The following OSER1 variants were observed in gnomAD, a reference collection of about 807,000 sequenced individuals.
OSER1 encodes the protein oxidative stress responsive serine rich 1.
In OSER1, 15 loss-of-function variants were observed where a neutral mutation model predicts 26.3. That is an observed-to-expected ratio of 0.57 (90% CI 0.38 to 0.88). The LOEUF (loss-of-function observed/expected upper bound fraction) is 0.88. OSER1 is among the 40% of genes least tolerant of loss of function. The pLI, the probability that OSER1 is intolerant of heterozygous loss-of-function variation, is 0.00. For synonymous variants in OSER1, 127 were observed against 128.2 expected, an observed-to-expected ratio of 0.99 and a Z score of 0.07; for missense variants, 313 against 353.9, an observed-to-expected ratio of 0.88 and a Z score of 0.93.
chr20:44,201,602 T>C (rs959829078), intron 3 of OSER1, among the ~76,000 whole-genome samples: 2 of 152,144 alleles, frequency 1.3e-5, no homozygotes, highest in Non-Finnish European at 2.9e-5. Context: ...TAAATAATAA[T>C]AAAACCTAGT....
At chr20:44,202,298 C>T (rs550062569) in intron 3 of OSER1, among the ~76,000 whole-genome samples, 12 of 151,914 alleles carry the variant, frequency 7.9e-5, no homozygotes, top group Non-Finnish European at 1.3e-4. Flanking sequence ...CTGCTTAAAC[C>T]GGGGAGGCGG....
chr20:44,200,146 A>G (rs1268506140), intron 3 of OSER1, among the ~76,000 whole-genome samples: 1 of 152,142 alleles, frequency 6.6e-6, no homozygotes, highest in African/African-American at 2.4e-5. Context: ...GCTAACATCT[A>G]CATGTTGGGT....
chr20:44,207,868 G>C (rs2073054310), intron 1 of OSER1, among the ~76,000 whole-genome samples: 3 of 152,080 alleles, frequency 2.0e-5, no homozygotes, highest in Non-Finnish European at 4.4e-5. Flanking sequence ...GGTAGATGAA[G>C]AACCAACCAA....
chr20:44,197,820 T>C, intron 3 of OSER1, 81 bp from the exon 4 acceptor site: 1 of 889,396 alleles, frequency 1.1e-6, no homozygotes. Context: ...GTAGGAAATT[T>C]ACCTTCCCTC....
intron 1 of OSER1, 105 bp downstream of exon 1, chr20:44,210,591 G>T (rs1263964575): frequency 6.6e-6 from 1 of 152,330 alleles, no homozygotes; most frequent in African/African-American, 2.4e-5. Context: ...GGGAGACGAC[G>T]CGACCCAAGG....
chr20:44,196,438 A>T lies in OSER1; in HGVS notation c.*614T>A, dbSNP rs2072920128. 6.6e-6 allele frequency: 1 copy of T among 152,368 alleles called. No individual in the cohort carries two copies. The highest frequency in any genetic ancestry group is 2.4e-5 in the African/African-American group (1 of 41,464). 9.4% of individuals were successfully genotyped at this position (152,368 alleles called of 1,614,324 possible). ...CTTGAAACTGCATGTAACATGTCTT[A>T]GGATGAATAGCACCAGCAGGGGCTT... On this transcript the variant is annotated 3_prime_UTR_variant, in exon 4 of 4. Transcript: ENST00000255174.
Position 44,203,018 on chromosome 20 carries a change from G to T in OSER1, c.134C>A (p.Thr45Lys), listed in dbSNP as rs1396436555. 3 of 1,613,480 alleles carry T rather than the reference G, an allele frequency of 1.9e-6. No individual in the cohort carries two copies. Among genetic ancestry groups the T allele is most frequent in the Non-Finnish European group, 2.5e-6 (3 of 1,179,544 alleles). The change falls in exon 3 of 4, where the codon ACA becomes AAA. Residue 45 changes from threonine (T) to lysine (K), a missense_variant. Thr to Lys is a moderately conservative substitution (Grantham distance 78). This residue lies in a region of OSER1 where 300 missense variants were observed against 318.3 expected (regional missense o/e 0.94). Transcript: ENST00000255174. ...TTTAGGTTTGGTATCATCTGTTGCT[G>T]TTCTGACTGGTGCTCTGACACCTGT... ...EGTGVRAPVRTATDDTKPKTT... is the reference protein window; with the variant it reads ...EGTGVRAPVRKATDDTKPKTT...
chr20:44,203,971 C>T (rs1211242126), intron 2 of OSER1, among the ~76,000 whole-genome samples: 1 of 152,080 alleles, frequency 6.6e-6, no homozygotes, highest in Non-Finnish European at 1.5e-5. Flanking sequence ...TGGGGGAATG[C>T]TTATAAGGAG....
At chr20:44,201,337 G>T (rs1292670798) in intron 3 of OSER1, among the ~76,000 whole-genome samples, 1 of 152,124 alleles carries the variant, frequency 6.6e-6, no homozygotes, top group African/African-American at 2.4e-5. Context: ...GGGAGGACCT[G>T]GAATTGATCC....
chr20:44,202,229 A>G (rs2072990180), intron 3 of OSER1, among the ~76,000 whole-genome samples: 1 of 151,972 alleles, frequency 6.6e-6, no homozygotes, highest in African/African-American at 2.4e-5. Flanking sequence ...TACTAAAATT[A>G]CCCGGGCATG....
intron 3 of OSER1, 84 bp downstream of exon 3, chr20:44,202,877 T>C: frequency 1.3e-6 from 1 of 742,646 alleles, no homozygotes; most frequent in Non-Finnish European, 2.3e-6. Flanking sequence ...TATCATAACC[T>C]AACTCTTTTC....
Position 44,200,015 on chromosome 20 carries a change from G to C in OSER1, c.192-2276C>G, listed in dbSNP as rs1320833340. 5.3e-5 allele frequency among the ~76,000 whole-genome samples: 8 copies of C among 152,238 alleles called. 1 individual carries two copies. Among genetic ancestry groups the C allele is most frequent in the Admixed American group, 5.2e-4 (8 of 15,282 alleles). ...TGTTTTTGTACAGCTTGTGGACACT[G>C]CTCCAGTGGGCTAGCACTGTGAGCC... On this transcript the variant is annotated intron_variant, in intron 3 of 3. Transcript: ENST00000255174.
intron 3 of OSER1, among the ~76,000 whole-genome samples, chr20:44,200,237 G>A (rs1020091109): frequency 6.6e-6 from 1 of 152,228 alleles, no homozygotes; most frequent in African/African-American, 2.4e-5. Context: ...CTCTGGAGGA[G>A]AAAAGAGCAT....
chr20:44,211,127 C>G (rs1353167716), upstream of OSER1: 2 of 152,426 alleles, frequency 1.3e-5, no homozygotes, highest in Non-Finnish European at 2.9e-5. Flanking sequence ...CTCCACCGCC[C>G]CGGGATCTCC....
Position 44,203,061 on chromosome 20 carries a change from G to C in OSER1, c.91C>G (p.Leu31Val). ...RVDASGSVASLSVGEGTGVRA... is the reference protein window; with the variant it reads ...RVDASGSVASVSVGEGTGVRA... ...ACACCTGTGCCTTCTCCAACAGACA[G>C]AGATGCTACAGACCTGAAGACAAGA... Residue 31 changes from leucine (L) to valine (V), a missense_variant, in exon 3 of 4, where the codon CTG (leucine) becomes GTG (valine). Around this residue, in one of 2 missense-constraint regions of OSER1, gnomAD observed 300 missense variants for 318.3 expected, o/e 0.94. Coordinates refer to ENST00000255174, the MANE Select transcript of OSER1 (RefSeq NM_016470.8). The C allele has an allele frequency of 6.2e-7, 1 of 1,601,284 alleles. No homozygotes were observed.
Position 44,196,882 on chromosome 20 carries a change from G to T in OSER1, c.*170C>A, listed in dbSNP as rs2072924280. 3.4e-6 allele frequency: 2 copies of T among 586,336 alleles called. No homozygotes were observed. The highest frequency in any genetic ancestry group is 5.6e-5 in the East Asian group (2 of 35,906). The allele number at this position is 586,336 out of a possible 1,614,324, so 36.3% of individuals were successfully genotyped here. A position where few individuals can be genotyped will look rare whatever the true frequency, so the allele number is the denominator to read the frequency against. Reference sequence around the variant, plus strand: ...GAAGTGTATGTAAGAACTCAAGAGAGTAAGTTGAAAGAATGAAGATTAACT... The same window carrying T: ...GAAGTGTATGTAAGAACTCAAGAGATTAAGTTGAAAGAATGAAGATTAACT... On this transcript the variant is annotated 3_prime_UTR_variant, in exon 4 of 4. Transcript: ENST00000255174.
chr20:44,197,228 C>G lies in OSER1; in HGVS notation c.703G>C (p.Glu235Gln). The change falls in exon 4 of 4, where the codon GAG (glutamate) becomes CAG (glutamine). Residue 235 changes from glutamate to glutamine, a missense_variant. Glu to Gln is a conservative substitution (Grantham distance 29). Transcript: ENST00000255174. ...PLAPERRSTLEDYSQSLHART... is the reference protein window; with the variant it reads ...PLAPERRSTLQDYSQSLHART... ...GCGTGCAGCGACTGAGAGTAGTCCT[C>G]AAGTGTGGATCTTCGTTCTGGAGCC... The G allele has an allele frequency of 3.7e-6, 6 of 1,614,202 alleles. No homozygotes were observed. Among genetic ancestry groups the G allele is most frequent in the Non-Finnish European group, 5.1e-6 (6 of 1,180,016 alleles).
intron 1 of OSER1, among the ~76,000 whole-genome samples, chr20:44,210,373 G>A (rs1373078850): frequency 6.6e-6 from 1 of 152,214 alleles, no homozygotes; most frequent in Non-Finnish European, 1.5e-5. Flanking sequence ...AGAAAGGACT[G>A]GAAGGGGCAA....
In OSER1 at chr20:44,197,569, A is replaced by G. The variant is rs765441301; in HGVS notation, c.362T>C (p.Leu121Pro). The change falls in exon 4 of 4, where the codon CTG becomes CCG. Residue 121 changes from leucine (L) to proline (P), a missense_variant. Leu to Pro is a moderately conservative substitution (Grantham distance 98). Transcript: ENST00000255174. ...GAACTCTTTAGGGGATGAAATTCCC[A>G]GCCCACTGCTGCCATCAGGTGAGTC... is the stretch of plus-strand genomic sequence containing the variant. ...QTDSPDGSSG[L>P]GISSPKEFSA... 6.2e-7 allele frequency: 1 copy of G among 1,614,172 alleles called. No individual in the cohort carries two copies. Among genetic ancestry groups the G allele is most frequent in the South Asian group, 1.1e-5 (1 of 91,080 alleles).
Sources: gnomAD v4.1 joint callset for allele counts (sites outside exome capture counted in the v4.1 genomes callset) on GRCh38, gnomAD v4.1.1 for gene constraint, gnomAD v4.1.1 regional missense constraint, MANE v1.5 for transcripts, NCBI Gene and HGNC (gene_info 2026-07-23, HGNC 2026-07-21) for gene names.